Variants in TAF3 observed in about 807,000 individuals in gnomAD.
TAF3 encodes the protein transcription initiation factor TFIID subunit 3.
In TAF3, 7 loss-of-function variants were observed where a neutral mutation model predicts 80.6. The observed-to-expected ratio is 0.09, with a 90% CI of 0.05 to 0.16. The LOEUF (loss-of-function observed/expected upper bound fraction) is 0.16. TAF3 is among the 10% of genes least tolerant of loss of function. The pLI, the probability that TAF3 is intolerant of heterozygous loss-of-function variation, is 1.00. For synonymous variants in TAF3, 444 were observed against 446.1 expected (o/e 1.00, Z 0.06); for missense variants, 921 against 1,140.2 (o/e 0.81, Z 2.77).
intron 2 of TAF3, among the ~76,000 whole-genome samples, chr10:7,826,200 T>C (rs11255387): frequency 0.17 from 25,878 of 152,154 alleles, 2,654 homozygotes; most frequent in East Asian, 0.52. Context: ...GGATCTTAGC[T>C]GCAGTGGGTT....
At chr10:7,823,921 G>A (rs1456980307) in intron 1 of TAF3, among the ~76,000 whole-genome samples, 4 of 149,912 alleles carry the variant, frequency 2.7e-5, no homozygotes, top group African/African-American at 7.4e-5. Context: ...GTGAGCCATC[G>A]CGCCCAGCTA....
At chr10:7,852,610 C>T (rs926373087) in intron 2 of TAF3, among the ~76,000 whole-genome samples, 1 of 152,190 alleles carries the variant, frequency 6.6e-6, no homozygotes, top group African/African-American at 2.4e-5. Context: ...ATTGTTTTGG[C>T]AAGACTACTT....
At chr10:7,979,454 C>T (rs1419945207) in intron 4 of TAF3, among the ~76,000 whole-genome samples, 1 of 151,926 alleles carries the variant, frequency 6.6e-6, no homozygotes, top group Admixed American at 6.6e-5. Context: ...TCTGTTTTCC[C>T]CCTCAATAAA....
chr10:7,941,136 C>T (rs1837972296), intron 2 of TAF3, among the ~76,000 whole-genome samples: 3 of 152,086 alleles, frequency 2.0e-5, no homozygotes, highest in Non-Finnish European at 4.4e-5. Context: ...GAAGGTAAGG[C>T]ATGGGAATCA....
chr10:7,882,960 AG>A (rs1301522434), intron 2 of TAF3, among the ~76,000 whole-genome samples: 4 of 152,234 alleles, frequency 2.6e-5, no homozygotes, highest in Non-Finnish European at 5.9e-5. Context: ...TTTGAAACTA[AG>A]TTGCAGACAT....
chr10:8,001,494 G>T (rs889514454), intron 4 of TAF3, among the ~76,000 whole-genome samples: 1 of 152,072 alleles, frequency 6.6e-6, no homozygotes, highest in African/African-American at 2.4e-5. Flanking sequence ...ATAAGAAGGC[G>T]TAATGCTTTA....
intron 2 of TAF3, among the ~76,000 whole-genome samples, chr10:7,868,147 A>G (rs1300470225): frequency 1.3e-5 from 2 of 152,158 alleles, no homozygotes; most frequent in Non-Finnish European, 2.9e-5. Flanking sequence ...TGTGTAGTTC[A>G]AAGCCATGTT....
rs550022679 is a variant in TAF3 at position 8,001,077 on chromosome 10, A to AT, written c.2316-7994dup. On this transcript the variant is annotated intron_variant, in intron 4 of 6. Transcript: ENST00000344293. ...TTAAATTGCAGTTATTCTAGTTTTT[A>AT]TTTTTTTATTTTATTTTTTGCAGCC... 1.5e-3 allele frequency among the ~76,000 whole-genome samples: 235 copies of AT among 152,120 alleles called. 4 individuals carry two copies. The highest frequency in any genetic ancestry group is 5.1e-4 in the Non-Finnish European group (35 of 67,992).
At chr10:7,939,318 C>T (rs1837954404) in intron 2 of TAF3, among the ~76,000 whole-genome samples, 1 of 152,116 alleles carries the variant, frequency 6.6e-6, no homozygotes, top group African/African-American at 2.4e-5. Context: ...CCATCAGACT[C>T]CTACTGTGTA....
intron 2 of TAF3, among the ~76,000 whole-genome samples, chr10:7,839,200 G>A (rs964257352): frequency 1.3e-5 from 2 of 152,118 alleles, no homozygotes; most frequent in South Asian, 4.2e-4. Flanking sequence ...CTGGCATGGA[G>A]TTCTCGTCCA....
intron 4 of TAF3, among the ~76,000 whole-genome samples, chr10:7,985,919 G>A (rs1243978362): frequency 6.6e-6 from 1 of 151,948 alleles, no homozygotes; most frequent in African/African-American, 2.4e-5. Context: ...GAGTAGCTGG[G>A]ACTATGGGCA....
intron 1 of TAF3, among the ~76,000 whole-genome samples, chr10:7,820,232 A>G (rs2131094634): frequency 6.6e-6 from 1 of 152,266 alleles, no homozygotes; most frequent in South Asian, 2.1e-4. Flanking sequence ...ATCTGCTTTC[A>G]TAATTCTGTG....
chr10:7,965,572 A>G lies in TAF3; in HGVS notation c.2062A>G (p.Lys688Glu). ...ATCTTTGTTGCCAGTGCTTCCGGAA[A>G]AACTGTTTGAGGAGAAAGAGAAGGT... ...LPSLLPVLPE[K>E]LFEEKEKVKE... Residue 688 changes from lysine to glutamate, a missense_variant, in exon 3 of 7, where the codon AAA becomes GAA. This residue lies in a region of TAF3 where 743 missense variants were observed against 821.0 expected (regional missense o/e 0.90). Transcript: ENST00000344293. The G allele has an allele frequency of 1.3e-6, 2 of 1,600,002 alleles. No individual in the cohort carries two copies. The highest frequency in any genetic ancestry group is 1.7e-6 in the Non-Finnish European group (2 of 1,176,662).
chr10:7,962,975 C>T (rs1168743993), intron 2 of TAF3, among the ~76,000 whole-genome samples: 2 of 152,160 alleles, frequency 1.3e-5, no homozygotes, highest in African/African-American at 4.8e-5. Context: ...AACATCGGCT[C>T]CTTTTTGAAA....
At chr10:7,907,033 T>A (rs1564360975) in intron 2 of TAF3, among the ~76,000 whole-genome samples, 1 of 152,138 alleles carries the variant, frequency 6.6e-6, no homozygotes, top group Non-Finnish European at 1.5e-5. Context: ...TAGGTGACTG[T>A]CATTGGGTGG....
chr10:7,846,213 T>A (rs559074068), intron 2 of TAF3, among the ~76,000 whole-genome samples: 2 of 152,300 alleles, frequency 1.3e-5, no homozygotes, highest in Admixed American at 6.5e-5. Flanking sequence ...CGCCTTGGCC[T>A]CCCGAAGTGC....
At chr10:7,902,221 C>T (rs1442761740) in intron 2 of TAF3, among the ~76,000 whole-genome samples, 1 of 151,814 alleles carries the variant, frequency 6.6e-6, no homozygotes, top group East Asian at 1.9e-4. Context: ...GTCGGGAGTT[C>T]GAGATCAGCC....
At chr10:7,830,684 A>G (rs1282372351) in intron 2 of TAF3, among the ~76,000 whole-genome samples, 1 of 151,850 alleles carries the variant, frequency 6.6e-6, no homozygotes, top group Non-Finnish European at 1.5e-5. Context: ...GGGTTTCACC[A>G]TGTTGGCCAG....
At chr10:7,992,923 C>A (rs757070459) in intron 4 of TAF3, among the ~76,000 whole-genome samples, 1 of 152,102 alleles carries the variant, frequency 6.6e-6, no homozygotes, top group Non-Finnish European at 1.5e-5. Flanking sequence ...AACTTAATAT[C>A]ATTTCACCTC....
Sources: allele counts gnomAD v4.1 joint callset (sites outside exome capture counted in the v4.1 genomes callset), GRCh38; gene constraint gnomAD v4.1.1; regional missense constraint gnomAD v4.1.1; transcripts MANE v1.5; gene names NCBI Gene and HGNC (gene_info 2026-07-23, HGNC 2026-07-21).